The following GABRA1 variants were observed in gnomAD, a reference collection of about 807,000 sequenced individuals.
GABRA1 encodes the protein gamma-aminobutyric acid receptor subunit alpha-1.
A neutral mutation model predicts 48.9 loss-of-function variants in GABRA1; 9 were observed. That is an observed-to-expected ratio of 0.18 (90% CI 0.11 to 0.32). The LOEUF (loss-of-function observed/expected upper bound fraction) is 0.32, where lower values mean the gene tolerates loss of function less well. GABRA1 is among the 10% of genes least tolerant of loss of function. GABRA1 has a pLI of 1.00. For missense variants in GABRA1, 285 were observed against 553.8 expected (o/e 0.51, Z 4.87); for synonymous variants, 210 against 198.7 (o/e 1.06, Z -0.48).
At chr5:161,853,959 T>C (rs1355033015) in intron 2 of GABRA1, among the ~76,000 whole-genome samples, 199 bp from the exon 3 acceptor site, 1 of 151,800 alleles carries the variant, frequency 6.6e-6, no homozygotes, top group Non-Finnish European at 1.5e-5. Context: ...TCCTTTCACA[T>C]TTAAAAACTG....
At chr5:161,883,459 A>G (rs1754705987) in intron 7 of GABRA1, among the ~76,000 whole-genome samples, 1 of 152,188 alleles carries the variant, frequency 6.6e-6, no homozygotes, top group African/African-American at 2.4e-5. Context: ...TTGTTATTCA[A>G]GTGTCCATTT....
chr5:161,885,395 G>T (rs1361063748), intron 7 of GABRA1, among the ~76,000 whole-genome samples: 1 of 152,134 alleles, frequency 6.6e-6, no homozygotes, highest in Non-Finnish European at 1.5e-5. Context: ...ACTAGAGAAT[G>T]ATGGTGAGAG....
chr5:161,850,982 A>T lies in GABRA1; in HGVS notation c.74+98A>T, dbSNP rs142947458. On this transcript the variant is annotated intron_variant, in intron 2 of 9. Coordinates refer to ENST00000393943, the MANE Select transcript of GABRA1 (RefSeq NM_001127644.2). ...TTGTCCTCAAATGAATTTATGACTA[A>T]GGGAATTCAGAAAACTTAACTGCAA... 611 of 995,640 alleles carry T rather than the reference A, an allele frequency of 6.1e-4. 7 individuals are homozygous for T. In the African/African-American group the frequency reaches 8.4e-3, roughly 14 times the overall value. The allele number at this position is 995,640 out of a possible 1,614,324, so 61.7% of individuals were successfully genotyped here. A position where few individuals can be genotyped will look rare whatever the true frequency, so the allele number is the denominator to read the frequency against.
At chr5:161,887,491 C>T (rs780400498) in intron 7 of GABRA1, among the ~76,000 whole-genome samples, 1 of 151,986 alleles carries the variant, frequency 6.6e-6, no homozygotes, top group Non-Finnish European at 1.5e-5. Flanking sequence ...ATTTATATTT[C>T]AAATGAAGAC....
chr5:161,880,785 G>T (rs939450316), intron 6 of GABRA1, among the ~76,000 whole-genome samples: 6 of 152,082 alleles, frequency 3.9e-5, no homozygotes, highest in African/African-American at 1.4e-4. Flanking sequence ...GAAAGGCATG[G>T]CTCACATCTT....
At chr5:161,881,982 G>GAGGAGA (rs367808680) in intron 6 of GABRA1, 3,202 of 153,786 alleles carry the variant, frequency 0.021, 51 homozygotes, top group Non-Finnish European at 0.033. Flanking sequence ...GGAGGAGGAG[G>GAGGAGA]AGGAGAAGGA....
intron 7 of GABRA1, among the ~76,000 whole-genome samples, chr5:161,886,155 G>A (rs941114416): frequency 6.6e-6 from 1 of 152,030 alleles, no homozygotes; most frequent in Admixed American, 6.6e-5. Flanking sequence ...ACTGGGATTT[G>A]AACCTGGGTT....
chr5:161,896,170 T>A (rs1581220740), intron 9 of GABRA1, among the ~76,000 whole-genome samples: 1 of 152,282 alleles, frequency 6.6e-6, no homozygotes, highest in Non-Finnish European at 1.5e-5. Context: ...AACCTGATAT[T>A]AGGAGCAAAT....
intron 2 of GABRA1, among the ~76,000 whole-genome samples, chr5:161,851,312 T>C (rs1256605370): frequency 6.6e-6 from 1 of 152,156 alleles, no homozygotes; most frequent in East Asian, 1.9e-4. Flanking sequence ...TTTTAAATAA[T>C]ATCTGTTATT....
intron 3 of GABRA1, among the ~76,000 whole-genome samples, chr5:161,859,561 A>T (rs1484453708): frequency 6.6e-6 from 1 of 151,808 alleles, no homozygotes; most frequent in Admixed American, 6.6e-5. Context: ...TGACTCGAGG[A>T]TAGGGAAAGC....
intron 6 of GABRA1, among the ~76,000 whole-genome samples, chr5:161,881,294 G>A (rs891152421): frequency 6.6e-6 from 1 of 152,122 alleles, no homozygotes; most frequent in Non-Finnish European, 1.5e-5. Flanking sequence ...ATAGAAGAGA[G>A]TACGTACTAT....
intron 7 of GABRA1, among the ~76,000 whole-genome samples, chr5:161,884,524 G>A (rs1013175440): frequency 1.3e-5 from 2 of 152,100 alleles, no homozygotes; most frequent in Non-Finnish European, 2.9e-5. Context: ...CTGAATTAAT[G>A]AATAAAAAGT....
At chr5:161,893,894 C>T (rs1755239551) in intron 8 of GABRA1, among the ~76,000 whole-genome samples, 1 of 152,188 alleles carries the variant, frequency 6.6e-6, no homozygotes, top group Non-Finnish European at 1.5e-5. Context: ...GTTCTTTTCT[C>T]TTTTCCTATA....
chr5:161,879,600 A>G (rs6869425), intron 6 of GABRA1, among the ~76,000 whole-genome samples: 1,936 of 152,292 alleles, frequency 0.013, 53 homozygotes, highest in African/African-American at 0.044. Flanking sequence ...ACAATAGGAT[A>G]TATCATCTTT....
At chr5:161,892,694 CAAACAAAA>C (rs1222046346) in intron 8 of GABRA1, among the ~76,000 whole-genome samples, 1 of 149,918 alleles carries the variant, frequency 6.7e-6, no homozygotes, top group African/African-American at 2.5e-5. Flanking sequence ...AACAAACAAA[CAAACAAAA>C]ACAAACAAAA....
chr5:161,864,017 T>C (rs1422509669), intron 3 of GABRA1, among the ~76,000 whole-genome samples: 1 of 151,984 alleles, frequency 6.6e-6, no homozygotes, highest in Admixed American at 6.6e-5. Context: ...CAAGAGCTGA[T>C]GACAAATCAA....
At chr5:161,871,004 C>T (rs1399546618) in intron 4 of GABRA1, among the ~76,000 whole-genome samples, 1 of 141,024 alleles carries the variant, frequency 7.1e-6, no homozygotes, top group East Asian at 2.1e-4. Context: ...GTGACTGGTA[C>T]AGTATTTGAA....
chr5:161,869,886 T>C (rs1754032702), intron 4 of GABRA1, among the ~76,000 whole-genome samples: 1 of 152,198 alleles, frequency 6.6e-6, no homozygotes. Context: ...TTAGTTAACT[T>C]GGTTTCGGCC....
Position 161,867,119 on chromosome 5 carries a change from G to A in GABRA1, c.255+1331G>A, listed in dbSNP as rs569654969. 7.9e-5 allele frequency among the ~76,000 whole-genome samples: 12 copies of A among 152,176 alleles called. No homozygotes were observed. In the East Asian group the frequency reaches 9.7e-4, roughly 12 times the overall value. ...ATACTTGTGAATGTATGCATCTTAC[G>A]ATTTATTTTGTAATTATGGTCAGTC... is the stretch of plus-strand genomic sequence containing the variant. On this transcript the variant is annotated intron_variant, in intron 4 of 9. Transcript: ENST00000393943.
Sources: allele counts gnomAD v4.1 joint callset (sites outside exome capture counted in the v4.1 genomes callset), GRCh38; gene constraint gnomAD v4.1.1; transcripts MANE v1.5; gene names NCBI Gene and HGNC (gene_info 2026-07-23, HGNC 2026-07-21).